The following PDE4D variants were observed in gnomAD, a reference collection of about 807,000 sequenced individuals.
The protein encoded by PDE4D is phosphodiesterase 4D.
PDE4D carries 24 observed loss-of-function variants against 87.4 expected under a neutral mutation model. The observed-to-expected ratio is 0.27, with a 90% CI of 0.20 to 0.39. The LOEUF (loss-of-function observed/expected upper bound fraction) is 0.39, where lower values mean the gene tolerates loss of function less well. PDE4D is among the 10% of genes least tolerant of loss of function. The probability of loss-of-function intolerance (pLI) is 1.00; values close to 1 mark genes in which losing one functional copy is unlikely to be tolerated. For synonymous variants in PDE4D, 384 were observed against 383.2 expected, an observed-to-expected ratio of 1.00 and a Z score of -0.02; for missense variants, 714 against 1,041.0, an observed-to-expected ratio of 0.69 and a Z score of 4.32.
At chr5:59,080,210 T>C (rs758884571) in intron 5 of PDE4D, among the ~76,000 whole-genome samples, 1 of 152,174 alleles carries the variant, frequency 6.6e-6, no homozygotes, top group Non-Finnish European at 1.5e-5. Context: ...GTAAATTCCA[T>C]AGTAAGACAG....
intron 5 of PDE4D, among the ~76,000 whole-genome samples, chr5:59,154,060 G>T (rs1418498524): frequency 6.6e-6 from 1 of 152,140 alleles, no homozygotes; most frequent in East Asian, 1.9e-4. Flanking sequence ...GGCTGGAGAG[G>T]AGGTACAATA....
At chr5:59,238,509 A>G (rs1756962481) in intron 1 of PDE4D, among the ~76,000 whole-genome samples, 1 of 152,190 alleles carries the variant, frequency 6.6e-6, no homozygotes, top group Non-Finnish European at 1.5e-5. Context: ...TGGAGAAGGA[A>G]AAAAGGTCAT....
At chr5:59,968,164 A>G (rs889750752) in intron 3 of PDE4D, among the ~76,000 whole-genome samples, 1 of 151,782 alleles carries the variant, frequency 6.6e-6, no homozygotes, top group African/African-American at 2.4e-5. Flanking sequence ...TTGTAGTTTT[A>G]GTAGAGACGG....
At chr5:59,503,046 G>A (rs561692331) in intron 1 of PDE4D, among the ~76,000 whole-genome samples, 46 of 151,972 alleles carry the variant, frequency 3.0e-4, no homozygotes, top group African/African-American at 1.1e-3. Flanking sequence ...CAAGTGTATA[G>A]CCTTAGGTAA....
intron 3 of PDE4D, among the ~76,000 whole-genome samples, chr5:59,964,801 C>T (rs1027159265): frequency 2.0e-5 from 3 of 152,190 alleles, no homozygotes; most frequent in Admixed American, 2.0e-4. Context: ...TTTGATTTAA[C>T]CCCATTCTTA....
rs904058099 is a variant in PDE4D at position 59,261,989 on chromosome 5, G to A, written c.456-46021C>T. Among the ~76,000 whole-genome samples the A allele has an allele frequency of 3.3e-5, 5 of 151,852 alleles. No homozygotes were observed. In the South Asian group the frequency reaches 6.2e-4, roughly 19 times the overall value. On this transcript the variant is annotated intron_variant, in intron 1 of 14. Transcript: ENST00000340635. ...TTATATTACTCCACCCCAAATTCAA[G>A]TAGGGAGGTTTTAAAATTATGTTGT...
At chr5:59,008,786 G>T (rs1299804239) in intron 6 of PDE4D, among the ~76,000 whole-genome samples, 1 of 151,904 alleles carries the variant, frequency 6.6e-6, no homozygotes, top group African/African-American at 2.4e-5. Context: ...AGAACAACAA[G>T]CCACAGACTT....
At chr5:60,248,940 A>G (rs1233920037) in intron 1 of PDE4D, among the ~76,000 whole-genome samples, 1 of 151,984 alleles carries the variant, frequency 6.6e-6, no homozygotes, top group East Asian at 1.9e-4. Flanking sequence ...GCTGGCATTC[A>G]CTGCGCAAAG....
intron 1 of PDE4D, among the ~76,000 whole-genome samples, chr5:60,327,011 T>C (rs752932837): frequency 6.6e-6 from 1 of 152,158 alleles, no homozygotes; most frequent in Non-Finnish European, 1.5e-5. Flanking sequence ...ACAATTTCTT[T>C]ATCCCCTGCT....
At chr5:59,840,068 T>C (rs976262005) in intron 1 of PDE4D, among the ~76,000 whole-genome samples, 1 of 152,010 alleles carries the variant, frequency 6.6e-6, no homozygotes, top group African/African-American at 2.4e-5. Flanking sequence ...GCATCTTTTT[T>C]TTCCTGGCTC....
At chr5:59,302,684 C>A (rs1023427837) in intron 1 of PDE4D, among the ~76,000 whole-genome samples, 4 of 152,148 alleles carry the variant, frequency 2.6e-5, no homozygotes, top group African/African-American at 9.7e-5. Context: ...CAATCTCATC[C>A]AGGTCACTGC....
chr5:59,271,103 G>T (rs1015107387), intron 1 of PDE4D, among the ~76,000 whole-genome samples: 1 of 151,202 alleles, frequency 6.6e-6, no homozygotes, highest in Non-Finnish European at 1.5e-5. Flanking sequence ...GCAGTGGCAC[G>T]ATCTTGGCTC....
At chr5:59,091,173 A>T (rs1035744453) in intron 5 of PDE4D, 1 of 449,878 alleles carries the variant, frequency 2.2e-6, no homozygotes, top group Non-Finnish European at 4.4e-6. Context: ...TTTTATTAGA[A>T]CGTGGAGCAA....
rs980680670 is a variant in PDE4D at position 59,068,274 on chromosome 5, C to G, written c.809-29303G>C. On this transcript the variant is annotated intron_variant, in intron 5 of 14. Transcript: ENST00000340635. Reference sequence around the variant, plus strand: ...TTGTTGATATTGGTAGTGTATTTCACGTGAACTTGTGAAATCATTGTCTAT... The same window carrying G: ...TTGTTGATATTGGTAGTGTATTTCAGGTGAACTTGTGAAATCATTGTCTAT... Among the ~76,000 whole-genome samples, 16 of 152,258 alleles carry G rather than the reference C, an allele frequency of 1.1e-4. No homozygotes were observed. In the Middle Eastern group the frequency reaches 0.01, roughly 97 times the overall value.
intron 1 of PDE4D, among the ~76,000 whole-genome samples, chr5:59,854,680 C>T (rs561105727): frequency 6.6e-6 from 1 of 152,126 alleles, no homozygotes; most frequent in South Asian, 2.1e-4. Flanking sequence ...TAGAATCTCA[C>T]TTTTATCCCA....
intron 11 of PDE4D, 126 bp downstream of exon 11, chr5:58,988,367 A>T (rs1392137936): frequency 2.4e-6 from 1 of 409,200 alleles, no homozygotes; most frequent in African/African-American, 2.0e-5. Flanking sequence ...AACTATCACT[A>T]AAACACATAT....
chr5:59,167,383 C>G (rs777134563), intron 5 of PDE4D, among the ~76,000 whole-genome samples: 1 of 152,190 alleles, frequency 6.6e-6, no homozygotes, highest in Non-Finnish European at 1.5e-5. Flanking sequence ...AAATAACAGT[C>G]AGTCCACTGT....
intron 2 of PDE4D, among the ~76,000 whole-genome samples, chr5:60,044,094 CT>C (rs147218740): frequency 6.0e-5 from 9 of 150,558 alleles, no homozygotes; most frequent in Non-Finnish European, 5.9e-5. Context: ...TAGGTGTGGA[CT>C]TTTTTTTTAT....
intron 1 of PDE4D, among the ~76,000 whole-genome samples, chr5:59,343,505 T>C (rs1165915475): frequency 6.6e-6 from 1 of 152,192 alleles, no homozygotes; most frequent in Admixed American, 6.5e-5. Context: ...CAACCCCTGG[T>C]TAAAACAACA....
Sources: allele counts gnomAD v4.1 joint callset (sites outside exome capture counted in the v4.1 genomes callset), GRCh38; gene constraint gnomAD v4.1.1; transcripts MANE v1.5; gene names NCBI Gene and HGNC (gene_info 2026-07-23, HGNC 2026-07-21).